The following TICAM2 variants were observed in gnomAD, a reference collection of about 807,000 sequenced individuals.
The protein encoded by TICAM2 is TIR domain containing adaptor molecule 2, also known as TIR domain-containing adapter molecule 2.
TICAM2 carries 8 observed loss-of-function variants against 7.3 expected under a neutral mutation model. The ratio of observed to expected loss-of-function variants is 1.10; its 90% CI spans 0.65 to 1.99. The LOEUF is 1.99. Among genes scored for constraint, TICAM2 ranks in the 30% most tolerant of loss-of-function variants. TICAM2 has a pLI of 0.00. For missense variants in TICAM2, 304 were observed against 278.8 expected (o/e 1.09, Z -0.65); for synonymous variants, 113 against 99.6 (o/e 1.13, Z -0.80).
At chr5:115,600,428 G>A (rs1580422945) in intron 1 of TICAM2, among the ~76,000 whole-genome samples, 1 of 152,200 alleles carries the variant, frequency 6.6e-6, no homozygotes, top group Non-Finnish European at 1.5e-5. Flanking sequence ...GATACAAATT[G>A]TCCTGGGGGA....
At position 115,580,103 on chromosome 5, in the gene TICAM2, G is replaced by A. The variant is rs1754861156; in HGVS notation, c.*446C>T. On this transcript the variant is annotated 3_prime_UTR_variant, in exon 2 of 2. Transcript: ENST00000427199. ...TTCATATTTCTGGGTGATAGTACCC[G>A]AATGCTTATTGCAACATCCATGAGA... The A allele has an allele frequency of 2.6e-5, 4 of 154,328 alleles. No individual in the cohort carries two copies. Among genetic ancestry groups the A allele is most frequent in the Admixed American group, 6.5e-5 (1 of 15,400 alleles). 9.6% of individuals were successfully genotyped at this position (154,328 alleles called of 1,614,324 possible).
At chr5:115,588,382 A>T (rs1755187654) in intron 1 of TICAM2, among the ~76,000 whole-genome samples, 4 of 152,224 alleles carry the variant, frequency 2.6e-5, no homozygotes, top group Admixed American at 2.6e-4. Context: ...TACAGATGAT[A>T]AAGTGACCTA....
At chr5:115,595,728 CTT>C (rs1033208377) in intron 1 of TICAM2, among the ~76,000 whole-genome samples, 2 of 152,168 alleles carry the variant, frequency 1.3e-5, no homozygotes, top group African/African-American at 4.8e-5. Flanking sequence ...CCATGTTACT[CTT>C]GAGAGTTCTA....
chr5:115,583,457 A>G lies in TICAM2; in HGVS notation c.-59-2142T>C, dbSNP rs150458398. 4.3e-4 allele frequency among the ~76,000 whole-genome samples: 65 copies of G among 152,376 alleles called. 1 individual carries two copies. In the East Asian group the frequency reaches 0.012, roughly 28 times the overall value. On this transcript the variant is annotated intron_variant, in intron 1 of 1. Transcript: ENST00000427199. ...TATTTTTCTTAAATACCAGTTAGCA[A>G]AAAAGAGCAAAAGACTTCAGAAATC...
intron 1 of TICAM2, among the ~76,000 whole-genome samples, chr5:115,601,787 T>A (rs1755757134): frequency 6.6e-6 from 1 of 152,200 alleles, no homozygotes; most frequent in Non-Finnish European, 1.5e-5. Context: ...GCAGAGCCTT[T>A]AGAGCATTTA....
chr5:115,595,782 C>G (rs1580418396), intron 1 of TICAM2, among the ~76,000 whole-genome samples: 1 of 152,134 alleles, frequency 6.6e-6, no homozygotes, highest in South Asian at 2.1e-4. Flanking sequence ...CATGTTGTTG[C>G]CTCCATGCTC....
At chr5:115,601,214 T>A (rs1241583495) in intron 1 of TICAM2, among the ~76,000 whole-genome samples, 1 of 149,036 alleles carries the variant, frequency 6.7e-6, no homozygotes, top group East Asian at 2.0e-4. Flanking sequence ...CACACGTTTA[T>A]CTATGTAACA....
chr5:115,589,925 CCAAA>C (rs1281053222), intron 1 of TICAM2, among the ~76,000 whole-genome samples: 14 of 152,120 alleles, frequency 9.2e-5, no homozygotes, highest in African/African-American at 3.1e-4. Flanking sequence ...AGAGAGAAAG[CCAAA>C]CAGATAGCTT....
At position 115,580,968 on chromosome 5, in the gene TICAM2, G is replaced by GGACTCT. The variant is rs748056573; in HGVS notation, c.283_288dup (p.Arg95_Val96dup). The GGACTCT allele has an allele frequency of 6.2e-7, 1 of 1,613,626 alleles. No homozygotes were observed. Among genetic ancestry groups the GGACTCT allele is most frequent in the East Asian group, 2.2e-5 (1 of 44,876 alleles). On this transcript the variant is annotated inframe_insertion, in exon 2 of 2. Coordinates refer to ENST00000427199, the MANE Select transcript of TICAM2 (RefSeq NM_021649.7). ...CCAAAGTCATCTTGTAGCAGATTCTGGACTCTGAGGGCTTCATCTGTGTCA... is the reference window on the plus strand; with the variant it reads ...CCAAAGTCATCTTGTAGCAGATTCTGGACTCTGACTCTGAGGGCTTCATCTGTGTCA...
rs1322214545 is a variant in TICAM2 at position 115,602,301 on chromosome 5, G to A, written c.-264C>T. On this transcript the variant is annotated 5_prime_UTR_variant, in exon 1 of 2. Coordinates refer to ENST00000427199, the MANE Select transcript of TICAM2 (RefSeq NM_021649.7). ...AGAGCCCGGACGCGCGTGAGTCGGG[G>A]GCCCGCAGAGGCCTCACCCTTGGAG... The A allele has an allele frequency of 6.6e-6, 1 of 152,276 alleles. No homozygotes were observed. The highest frequency in any genetic ancestry group is 1.5e-5 in the Non-Finnish European group (1 of 68,178). 9.4% of individuals were successfully genotyped at this position (152,276 alleles called of 1,614,324 possible).
rs1370454459 is a variant in TICAM2 at position 115,578,858 on chromosome 5, G to A, written c.*1691C>T. The A allele has an allele frequency of 6.6e-6, 1 of 152,328 alleles. No homozygotes were observed. Among genetic ancestry groups the A allele is most frequent in the Admixed American group, 6.5e-5 (1 of 15,278 alleles). The allele number at this position is 152,328 out of a possible 1,614,324, so 9.4% of individuals were successfully genotyped here. On this transcript the variant is annotated 3_prime_UTR_variant, in exon 2 of 2. Coordinates refer to ENST00000427199, the MANE Select transcript of TICAM2 (RefSeq NM_021649.7). ...ATCAGAACGTTAAGGCTAAGAAAAT[G>A]TCACTATGCAATGAAAACCATCTCC...
At chr5:115,582,484 T>C (rs1210754518) in intron 1 of TICAM2, among the ~76,000 whole-genome samples, 1 of 152,058 alleles carries the variant, frequency 6.6e-6, no homozygotes, top group African/African-American at 2.4e-5. Flanking sequence ...AGACTCATTC[T>C]TTTATTTAAA....
At chr5:115,583,766 G>A (rs1755011533) in intron 1 of TICAM2, among the ~76,000 whole-genome samples, 1 of 152,160 alleles carries the variant, frequency 6.6e-6, no homozygotes, top group Non-Finnish European at 1.5e-5. Flanking sequence ...AACTCCATCA[G>A]TAAAAAGGGC....
chr5:115,589,797 CAACT>C (rs1419194563), intron 1 of TICAM2, among the ~76,000 whole-genome samples: 1 of 152,180 alleles, frequency 6.6e-6, no homozygotes, highest in Non-Finnish European at 1.5e-5. Flanking sequence ...GAACAACGAT[CAACT>C]TGTCTTATTC....
Position 115,581,085 on chromosome 5 carries a change from T to C in TICAM2, c.172A>G (p.Lys58Glu). 6.2e-7 allele frequency: 1 copy of C among 1,614,218 alleles called. No homozygotes were observed. The highest frequency in any genetic ancestry group is 8.5e-7 in the Non-Finnish European group (1 of 1,180,040). ...TCCACGCTCTGAGCTCCCTCCTGCT[T>C]TCCTGTTGGCCCCTCTGTTGTATTG... ...HSNTTEGPTGKQEGAQSVEEM... is the reference protein window; with the variant it reads ...HSNTTEGPTGEQEGAQSVEEM... Residue 58 changes from lysine (K) to glutamate (E), a missense_variant, in exon 2 of 2, where the codon AAG becomes GAG. Coordinates refer to ENST00000427199, the MANE Select transcript of TICAM2 (RefSeq NM_021649.7).
At chr5:115,596,914 G>T (rs141850587) in intron 1 of TICAM2, among the ~76,000 whole-genome samples, 4 of 151,990 alleles carry the variant, frequency 2.6e-5, no homozygotes, top group Admixed American at 2.6e-4. Context: ...GTGAGACTCC[G>T]TCTCAAAAAC....
intron 1 of TICAM2, among the ~76,000 whole-genome samples, chr5:115,599,196 C>T (rs1755620935): frequency 6.6e-6 from 1 of 152,008 alleles, no homozygotes; most frequent in Admixed American, 6.5e-5. Context: ...TTTTCTTCTT[C>T]CCATAAACTA....
chr5:115,588,199 A>G (rs890224909), intron 1 of TICAM2, among the ~76,000 whole-genome samples: 1 of 152,186 alleles, frequency 6.6e-6, no homozygotes, highest in African/African-American at 2.4e-5. Context: ...ACTGAAGGGA[A>G]TTTGCTAGTA....
chr5:115,589,184 C>T (rs1755216319), intron 1 of TICAM2, among the ~76,000 whole-genome samples: 1 of 152,184 alleles, frequency 6.6e-6, no homozygotes, highest in African/African-American at 2.4e-5. Context: ...AGTATTGCAA[C>T]AGAAACCATA....
Sources: gnomAD v4.1 joint callset for allele counts (sites outside exome capture counted in the v4.1 genomes callset) on GRCh38, gnomAD v4.1.1 for gene constraint, MANE v1.5 for transcripts, NCBI Gene and HGNC (gene_info 2026-07-23, HGNC 2026-07-21) for gene names.